LONRF2: variants seen among roughly 807,000 people sequenced by gnomAD.
LONRF2 encodes LON peptidase N-terminal domain and ring finger 2, also known as LON peptidase N-terminal domain and RING finger protein 2.
In LONRF2, 35 loss-of-function variants were observed where a neutral mutation model predicts 66.6. That is an observed-to-expected ratio of 0.53 (90% confidence interval 0.40 to 0.70). The LOEUF (loss-of-function observed/expected upper bound fraction) is 0.70, where lower values mean the gene tolerates loss of function less well. Ranked by LOEUF, LONRF2 falls within the 30% of genes least tolerant of loss-of-function variation. The pLI, the probability that LONRF2 is intolerant of heterozygous loss-of-function variation, is 0.00. For missense variants in LONRF2, 902 were observed against 1,002.1 expected (o/e 0.90, Z 1.35); for synonymous variants, 417 against 418.1 (o/e 1.00, Z 0.03).
rs750230405 is a variant in LONRF2, at chr2:100,309,205, A to T, written c.700T>A (p.Leu234Met). Residue 234 changes from leucine to methionine, a missense_variant, in exon 2 of 12, where the codon TTG (leucine) becomes ATG (methionine). Around this residue, in one of 2 missense-constraint regions of LONRF2, gnomAD observed 585 missense variants for 569.9 expected, o/e 1.03. Coordinates refer to ENST00000393437, the MANE Select transcript of LONRF2 (RefSeq NM_198461.4). ...LELAPDDNSL[L>M]LLRAELYLTM... Reference sequence around the variant, plus strand: ...AAATATAACTCCGCCCGCAGCAGCAATAATGAATTATCATCAGGAGCTGAA... The same window carrying T: ...AAATATAACTCCGCCCGCAGCAGCATTAATGAATTATCATCAGGAGCTGAA... The T allele has an allele frequency of 1.4e-5, 23 of 1,606,068 alleles. No individual in the cohort carries two copies. In the Admixed American group the frequency reaches 1.9e-4, roughly 13 times the overall value.
At chr2:100,293,902 G>A (rs933196468) in intron 9 of LONRF2, among the ~76,000 whole-genome samples, 1 of 152,114 alleles carries the variant, frequency 6.6e-6, no homozygotes, top group African/African-American at 2.4e-5. Flanking sequence ...GACCTCAGAA[G>A]TTGGACTAGA....
intron 2 of LONRF2, among the ~76,000 whole-genome samples, chr2:100,303,882 TTTC>T (rs1203244393): frequency 1.3e-5 from 2 of 152,190 alleles, no homozygotes; most frequent in Non-Finnish European, 2.9e-5. Flanking sequence ...TTACCCATTA[TTTC>T]TTCTTTTTTT....
chr2:100,296,655 A>G (rs1335538536), intron 7 of LONRF2, among the ~76,000 whole-genome samples: 1 of 152,228 alleles, frequency 6.6e-6, no homozygotes, highest in African/African-American at 2.4e-5. Context: ...GGAAACGCCT[A>G]TGTTTGAGAA....
intron 1 of LONRF2, among the ~76,000 whole-genome samples, chr2:100,318,183 T>C (rs2104218735): frequency 6.6e-6 from 1 of 152,340 alleles, no homozygotes; most frequent in Non-Finnish European, 1.5e-5. Context: ...TATTTTCTGT[T>C]AACTTGCTTC....
At chr2:100,299,032 T>C (rs1031763747) in intron 6 of LONRF2, 82 bp from the exon 7 acceptor site, 19 of 1,079,670 alleles carry the variant, frequency 1.8e-5, no homozygotes, top group East Asian at 4.8e-5. Flanking sequence ...GGATTCCTTA[T>C]GCAATCCCCT....
intron 1 of LONRF2, among the ~76,000 whole-genome samples, chr2:100,317,285 T>C (rs902401448): frequency 1.3e-5 from 2 of 152,148 alleles, no homozygotes; most frequent in Admixed American, 6.5e-5. Context: ...TATTCCACTA[T>C]AGCTTTTTTT....
intron 1 of LONRF2, among the ~76,000 whole-genome samples, chr2:100,312,332 C>T (rs1290782740): frequency 6.6e-6 from 1 of 151,894 alleles, no homozygotes; most frequent in Non-Finnish European, 1.5e-5. Flanking sequence ...GGTATTTATG[C>T]CTTGCTTTTT....
At position 100,302,909 on chromosome 2, in the gene LONRF2, C is replaced by T; in HGVS notation, c.921+12G>A. The T allele has an allele frequency of 1.9e-6, 3 of 1,581,954 alleles. No homozygotes were observed. Among genetic ancestry groups the T allele is most frequent in the Non-Finnish European group, 2.6e-6 (3 of 1,163,666 alleles). On this transcript the variant is annotated intron_variant, in intron 3 of 11. Coordinates refer to ENST00000393437, the MANE Select transcript of LONRF2 (RefSeq NM_198461.4). Reference sequence around the variant, plus strand: ...AGACCTGATAGAGAAAGTCCTTTAACAGAACTCATACCTTCTGTGCTTCTT... The same window carrying T: ...AGACCTGATAGAGAAAGTCCTTTAATAGAACTCATACCTTCTGTGCTTCTT...
chr2:100,285,124 A>G (rs935655738), intron 11 of LONRF2, among the ~76,000 whole-genome samples: 4 of 152,268 alleles, frequency 2.6e-5, no homozygotes, highest in African/African-American at 9.6e-5. Flanking sequence ...ACTGGAACCA[A>G]GATATCCAGG....
rs1674932565 is a variant in LONRF2, at chr2:100,290,301, T to C, written c.1877A>G (p.Asp626Gly). ...TTCAATGTCCGCTGTGTTATAGCCA[T>C]CTCTGTGGCGGTGGCTTAGCACTCG... The part of the protein sequence containing the change: ...RFRVLSHRHR[D>G]GYNTADIEYL... The change falls in exon 10 of 12, where the codon GAT becomes GGT. Residue 626 changes from aspartate to glycine, a missense_variant. Physicochemically the swap from Asp to Gly is moderately conservative, Grantham distance 94. Around this residue, in one of 2 missense-constraint regions of LONRF2, gnomAD observed 317 missense variants for 432.2 expected, o/e 0.73. Coordinates refer to ENST00000393437, the MANE Select transcript of LONRF2 (RefSeq NM_198461.4). 6.2e-7 allele frequency: 1 copy of C among 1,614,182 alleles called. No homozygotes were observed. Among genetic ancestry groups the C allele is most frequent in the Non-Finnish European group, 8.5e-7 (1 of 1,180,022 alleles).
chr2:100,313,907 A>G (rs1017483577), intron 1 of LONRF2, among the ~76,000 whole-genome samples: 5 of 152,182 alleles, frequency 3.3e-5, no homozygotes, highest in Admixed American at 2.6e-4. Flanking sequence ...TTATTGTTAT[A>G]TGTCTCAGTA....
rs34304436 is a variant in LONRF2, at chr2:100,300,890, C to T, written c.922-103G>A. 5 of 886,786 alleles carry T rather than the reference C, an allele frequency of 5.6e-6. No individual in the cohort carries two copies. The Admixed American group carries it at 1.9e-4, about 33-fold the overall frequency. The allele number at this position is 886,786 out of a possible 1,614,324, so 54.9% of individuals were successfully genotyped here. A position where few individuals can be genotyped will look rare whatever the true frequency, so the allele number is the denominator to read the frequency against. ...GAGGAAACTAAGAGGCCAAATAAGC[C>T]TAAAATGTTGAAAAGAATAATTTTA... On this transcript the variant is annotated intron_variant, in intron 3 of 11. Transcript: ENST00000393437.
At chr2:100,303,700 A>G (rs911987170) in intron 2 of LONRF2, among the ~76,000 whole-genome samples, 2 of 151,958 alleles carry the variant, frequency 1.3e-5, no homozygotes, top group African/African-American at 4.8e-5. Flanking sequence ...CCTGTATGTC[A>G]TTTTTCTCAT....
At chr2:100,297,569 G>C (rs1316571638) in intron 7 of LONRF2, among the ~76,000 whole-genome samples, 1 of 152,162 alleles carries the variant, frequency 6.6e-6, no homozygotes, top group African/African-American at 2.4e-5. Flanking sequence ...TTTTATTCTT[G>C]TAAGAACAGA....
chr2:100,322,049 A>G lies in LONRF2; in HGVS notation c.45T>C (p.Pro15=), dbSNP rs1675648303. The G allele has an allele frequency of 1.5e-6, 2 of 1,328,600 alleles. No homozygotes were observed. The highest frequency in any genetic ancestry group is 3.8e-5 in the South Asian group (2 of 52,898). The allele number at this position is 1,328,600 out of a possible 1,614,324, so 82.3% of individuals were successfully genotyped here. ...PVPPPPPPQC[P]GCDRAEPIAQ... Reference sequence around the variant, plus strand: ...CGATCGGCTCCGCGCGGTCGCAGCCAGGACACTGGGGCGGCGGCGGCGGCG... The same window carrying G: ...CGATCGGCTCCGCGCGGTCGCAGCCGGGACACTGGGGCGGCGGCGGCGGCG... Residue 15 remains proline (P), a synonymous_variant, in exon 1 of 12, where the codon CCT becomes CCC. Coordinates refer to ENST00000393437, the MANE Select transcript of LONRF2 (RefSeq NM_198461.4).
At chr2:100,304,705 C>T (rs1387109823) in intron 2 of LONRF2, among the ~76,000 whole-genome samples, 1 of 142,980 alleles carries the variant, frequency 7.0e-6, no homozygotes, top group Non-Finnish European at 1.5e-5. Context: ...CTCATTGGAA[C>T]CCCTGCCTCC....
At chr2:100,303,279 G>C (rs1472402875) in intron 2 of LONRF2, among the ~76,000 whole-genome samples, 1 of 152,184 alleles carries the variant, frequency 6.6e-6, no homozygotes, top group East Asian at 1.9e-4. Context: ...TACCGTACCT[G>C]AAATGTTCTG....
chr2:100,302,860 G>A, intron 3 of LONRF2, 61 bp downstream of exon 3: 2 of 1,428,126 alleles, frequency 1.4e-6, no homozygotes, highest in Non-Finnish European at 1.9e-6. Context: ...GGGTTACTCA[G>A]CATGGACATG....
chr2:100,309,305 A>T (rs1456407870), intron 1 of LONRF2, 80 bp from the exon 2 acceptor site: 2 of 788,422 alleles, frequency 2.5e-6, no homozygotes, highest in Non-Finnish European at 4.2e-6. Context: ...ACATATATTA[A>T]AGTGTATATA....
Sources: allele counts gnomAD v4.1 joint callset (sites outside exome capture counted in the v4.1 genomes callset), GRCh38; gene constraint gnomAD v4.1.1; regional missense constraint gnomAD v4.1.1; transcripts MANE v1.5; gene names NCBI Gene and HGNC (gene_info 2026-07-23, HGNC 2026-07-21).